PRDM7: variants seen among roughly 807,000 people sequenced by gnomAD.
The protein encoded by PRDM7 is histone-lysine N-methyltransferase PRDM7.
A neutral mutation model predicts 64.3 loss-of-function variants in PRDM7; 52 were observed. That is an observed-to-expected ratio of 0.81 (90% CI 0.65 to 1.02). The LOEUF (loss-of-function observed/expected upper bound fraction) is 1.02, where lower values mean the gene tolerates loss of function less well. Ranked by LOEUF, PRDM7 falls within the 50% of genes least tolerant of loss-of-function variation. The pLI, the probability that PRDM7 is intolerant of heterozygous loss-of-function variation, is 0.00. For synonymous variants in PRDM7, 192 were observed against 210.1 expected (o/e 0.91, Z 0.74); for missense variants, 574 against 597.1 (o/e 0.96, Z 0.40).
intron 10 of PRDM7, among the ~76,000 whole-genome samples, chr16:90,059,128 G>A (rs2037727577): frequency 6.6e-6 from 1 of 152,112 alleles, no homozygotes; most frequent in Non-Finnish European, 1.5e-5. Flanking sequence ...ATTTAATTGA[G>A]GACTGTTATG....
intron 10 of PRDM7, among the ~76,000 whole-genome samples, chr16:90,058,954 C>G (rs2037725064): frequency 6.6e-6 from 1 of 152,092 alleles, no homozygotes; most frequent in African/African-American, 2.4e-5. Context: ...CTATTTTATT[C>G]TATTGAGAAA....
chr16:90,068,560 T>C (rs1413264303), intron 4 of PRDM7, among the ~76,000 whole-genome samples: 1 of 146,768 alleles, frequency 6.8e-6, no homozygotes, highest in East Asian at 2.0e-4. Flanking sequence ...GCATGAACCT[T>C]GGAAGTGGAG....
Position 90,062,441 on chromosome 16 carries a change from T to C in PRDM7, c.570A>G (p.Ala190=). 1.2e-6 allele frequency: 2 copies of C among 1,614,200 alleles called. No individual in the cohort carries two copies. Among genetic ancestry groups the C allele is most frequent in the Non-Finnish European group, 1.7e-6 (2 of 1,180,032 alleles). ...MYSLRERKGH[A]YKEISEPQDD... is the part of the protein sequence containing the mutation. Reference sequence around the variant, plus strand: ...CCTGTGGCTCGCTGATCTCTTTGTATGCATGACCCTTTCTTTCTCGCAGGC... The same window carrying C: ...CCTGTGGCTCGCTGATCTCTTTGTACGCATGACCCTTTCTTTCTCGCAGGC... The change falls in exon 7 of 11, where the codon GCA becomes GCG. Residue 190 remains alanine, a synonymous_variant. Coordinates refer to ENST00000449207, the MANE Select transcript of PRDM7 (RefSeq NM_001098173.2).
intron 5 of PRDM7, among the ~76,000 whole-genome samples, chr16:90,064,629 G>A (rs2037841455): frequency 6.6e-6 from 1 of 151,380 alleles, no homozygotes; most frequent in Non-Finnish European, 1.5e-5. Flanking sequence ...GGCCAGGCTG[G>A]TCTAGAACTC....
At chr16:90,071,695 C>A (rs1035839658) in intron 4 of PRDM7, among the ~76,000 whole-genome samples, 2 of 152,174 alleles carry the variant, frequency 1.3e-5, no homozygotes, top group Non-Finnish European at 2.9e-5. Flanking sequence ...ATTACCAAAT[C>A]ACCTCTTAAA....
chr16:90,062,460 C>T lies in PRDM7; in HGVS notation c.551G>A (p.Arg184Gln), dbSNP rs1399678262. 5 of 1,614,102 alleles carry T rather than the reference C, an allele frequency of 3.1e-6. No individual in the cohort carries two copies. The highest frequency in any genetic ancestry group is 4.5e-5 in the East Asian group (2 of 44,864). Reference protein sequence around the residue: ...KETEGKMYSLRERKGHAYKEI... With the variant: ...KETEGKMYSLQERKGHAYKEI... ...TTTGTATGCATGACCCTTTCTTTCT[C>T]GCAGGCTATACATCTTTCCTTCAGT... Residue 184 changes from arginine to glutamine, a missense_variant, in exon 7 of 11, where the codon CGA becomes CAA. Transcript: ENST00000449207.
chr16:90,075,236 T>A lies in PRDM7; in HGVS notation c.193+115A>T. The A allele has an allele frequency of 1.3e-6, 2 of 1,565,140 alleles. No homozygotes were observed. Among genetic ancestry groups the A allele is most frequent in the Non-Finnish European group, 1.8e-6 (2 of 1,139,742 alleles). ...AACAATATTTCCCTCCAGATTTGTC[T>A]CCGTGCAAAAGGGAATTGTGGGCAG... On this transcript the variant is annotated intron_variant, in intron 3 of 10. Coordinates refer to ENST00000449207, the MANE Select transcript of PRDM7 (RefSeq NM_001098173.2). This position sits in a 1 kb window ranked among gnomAD's most constrained non-coding sequence, Gnocchi z 4.3.
rs1286060293 is a variant in PRDM7, at chr16:90,057,264, G to C, written c.*1025C>G. ...CAAGGGGGAGTATGGCAGCAGAGGA[G>C]AGGGGTCCATTAGAAGAGGTCACAC... is the stretch of plus-strand genomic sequence containing the variant. On this transcript the variant is annotated 3_prime_UTR_variant, in exon 11 of 11. Coordinates refer to ENST00000449207, the MANE Select transcript of PRDM7 (RefSeq NM_001098173.2). The C allele has an allele frequency of 6.5e-6, 1 of 154,294 alleles. No individual in the cohort carries two copies. The highest frequency in any genetic ancestry group is 2.4e-5 in the African/African-American group (1 of 41,424). 9.6% of individuals were successfully genotyped at this position (154,294 alleles called of 1,614,324 possible).
At chr16:90,064,724 C>CT (rs200484353) in intron 5 of PRDM7, among the ~76,000 whole-genome samples, 6,739 of 134,580 alleles carry the variant, frequency 0.05, 265 homozygotes, top group East Asian at 0.15. Context: ...CATGCTAATT[C>CT]TTTTTTTTTT....
intron 4 of PRDM7, 142 bp from the exon 5 acceptor site, chr16:90,067,052 C>T: frequency 2.9e-6 from 2 of 689,036 alleles, no homozygotes; most frequent in South Asian, 1.4e-5. Context: ...GCAACCTCCG[C>T]CTCCCGGATT....
rs1347707585 is a variant in PRDM7 at position 90,067,933 on chromosome 16, A to G, written c.302-1023T>C. ...CATCATAGTCGATGATGAAAAACTG[A>G]AAGCCTTCCTTCTAAGGTCATAAAC... On this transcript the variant is annotated intron_variant, in intron 4 of 10. Transcript: ENST00000449207. Among the ~76,000 whole-genome samples, 6 of 151,328 alleles carry G rather than the reference A, an allele frequency of 4.0e-5. 1 individual carries two copies. Among genetic ancestry groups the G allele is most frequent in the African/African-American group, 1.5e-4 (6 of 40,706 alleles).
chr16:90,058,556 C>T (rs2037718735), intron 10 of PRDM7, 22 bp from the exon 11 acceptor site: 2 of 1,610,868 alleles, frequency 1.2e-6, no homozygotes, highest in South Asian at 2.2e-5. Flanking sequence ...AGTTTTTGGT[C>T]AGGGTAGATG....
intron 4 of PRDM7, among the ~76,000 whole-genome samples, chr16:90,069,070 G>T (rs988819626): frequency 6.6e-6 from 1 of 151,272 alleles, no homozygotes; most frequent in African/African-American, 2.5e-5. Context: ...TGAAAAAGAA[G>T]GATAAAGTTG....
At position 90,062,060 on chromosome 16, in the gene PRDM7, A is replaced by G. The variant is rs771896445; in HGVS notation, c.743T>C (p.Ile248Thr). The change falls in exon 8 of 11, where the codon ATT (isoleucine) becomes ACT (threonine). Residue 248 changes from isoleucine to threonine, a missense_variant. By Grantham distance (89) the Ile-to-Thr change is moderately conservative. Transcript: ENST00000449207. ...SALSLPPGLR[I>T]GPSGIPQAGL... Reference sequence around the variant, plus strand: ...AGCCTGAGGGATGCCTGATGGCCCAATTCTCAGCCCCGGGGGCAGACTGAG... The same window carrying G: ...AGCCTGAGGGATGCCTGATGGCCCAGTTCTCAGCCCCGGGGGCAGACTGAG... The G allele has an allele frequency of 3.7e-6, 6 of 1,614,106 alleles. No individual in the cohort carries two copies. The highest frequency in any genetic ancestry group is 1.7e-5 in the Admixed American group (1 of 60,006).
intron 4 of PRDM7, among the ~76,000 whole-genome samples, chr16:90,072,137 G>C (rs375617747): frequency 6.6e-6 from 1 of 151,924 alleles, no homozygotes; most frequent in African/African-American, 2.4e-5. Flanking sequence ...ATGCTGAGGC[G>C]GGAGAATGGC....
intron 4 of PRDM7, chr16:90,070,064 A>C (rs945882568): frequency 6.4e-6 from 1 of 155,094 alleles, no homozygotes; most frequent in African/African-American, 2.5e-5. Flanking sequence ...TGAAAAAAAA[A>C]AACAAAAAAC....
chr16:90,073,739 G>A (rs2037995246), intron 4 of PRDM7, among the ~76,000 whole-genome samples: 1 of 151,816 alleles, frequency 6.6e-6, no homozygotes, highest in Admixed American at 6.6e-5. Flanking sequence ...GTTAAATTCT[G>A]AAATGTAGCT....
intron 4 of PRDM7, among the ~76,000 whole-genome samples, chr16:90,069,696 C>T (rs2037928802): frequency 6.6e-6 from 1 of 150,990 alleles, no homozygotes; most frequent in Non-Finnish European, 1.5e-5. Flanking sequence ...CACTTGAACC[C>T]AGGAGTTCGA....
intron 9 of PRDM7, 62 bp from the exon 10 acceptor site, chr16:90,060,685 T>G (rs2037760960): frequency 3.8e-6 from 6 of 1,587,678 alleles, no homozygotes; most frequent in Non-Finnish European, 5.2e-6. Flanking sequence ...GCAGGATGAC[T>G]ACAATGCTCA....
Sources: gnomAD v4.1 joint callset for allele counts (sites outside exome capture counted in the v4.1 genomes callset) on GRCh38, gnomAD v4.1.1 for gene constraint, Gnocchi (gnomAD v3.1) non-coding constraint, MANE v1.5 for transcripts, NCBI Gene and HGNC (gene_info 2026-07-23, HGNC 2026-07-21) for gene names.